BRD10: variants seen among roughly 807,000 people sequenced by gnomAD.
BRD10 encodes the protein uncharacterized bromodomain-containing protein 10.
chr9:5,915,975 TTAACTA>T, the BRD10 span, among the ~76,000 whole-genome samples: 1 of 152,250 alleles, frequency 6.6e-6, no homozygotes, highest in Non-Finnish European at 1.5e-5. Context: ...TCATACATTT[TTAACTA>T]TATGTTTCTC....
chr9:5,952,568 A>G, the BRD10 span, among the ~76,000 whole-genome samples: 1 of 152,220 alleles, frequency 6.6e-6, no homozygotes, highest in Non-Finnish European at 1.5e-5. Flanking sequence ...GCAATCTGCT[A>G]AAATGATTTC....
the BRD10 span, among the ~76,000 whole-genome samples, chr9:5,985,378 G>T: frequency 5.3e-5 from 8 of 151,676 alleles, no homozygotes; most frequent in African/African-American, 1.9e-4. Context: ...AAAAATGGAT[G>T]ATTTGAACTT....
At chr9:5,968,103 G>A in the BRD10 span, 57 of 1,568,824 alleles carry the variant, frequency 3.6e-5, 1 homozygote, top group Middle Eastern at 3.3e-4. Flanking sequence ...TTGAATGCAA[G>A]AGAATGAAGA....
the BRD10 span, among the ~76,000 whole-genome samples, chr9:5,889,497 G>A: frequency 6.6e-6 from 1 of 152,184 alleles, no homozygotes; most frequent in Non-Finnish European, 1.5e-5. Flanking sequence ...TAATAAAGAT[G>A]TGTTTGAGGC....
At chr9:5,892,320 CAG>C in the BRD10 span, 2 of 510,646 alleles carry the variant, frequency 3.9e-6, no homozygotes, top group African/African-American at 3.9e-5. Flanking sequence ...AATCCCCTCA[CAG>C]AGAGAAACCA....
chr9:5,915,550 C>G, the BRD10 span, among the ~76,000 whole-genome samples: 19 of 152,128 alleles, frequency 1.2e-4, no homozygotes, highest in Non-Finnish European at 2.8e-4. Flanking sequence ...TCCTCTTAAC[C>G]TATAGCATTT....
chr9:5,968,422 C>G, the BRD10 span: 1 of 1,612,716 alleles, frequency 6.2e-7, no homozygotes, highest in African/African-American at 1.3e-5. Context: ...GACTAAGAGG[C>G]TCTCCAAAGC....
the BRD10 span, among the ~76,000 whole-genome samples, chr9:5,978,377 G>C: frequency 3.2e-4 from 33 of 103,786 alleles, no homozygotes; most frequent in African/African-American, 1.2e-3. Context: ...CACTCTCAAA[G>C]ACATTGCAAT....
At chr9:5,952,550 C>T in the BRD10 span, among the ~76,000 whole-genome samples, 1 of 152,226 alleles carries the variant, frequency 6.6e-6, no homozygotes, top group African/African-American at 2.4e-5. Flanking sequence ...AAAAGAAACA[C>T]TGGTCATGCA....
the BRD10 span, chr9:5,892,606 C>G: frequency 5.4e-6 from 8 of 1,471,112 alleles, no homozygotes; most frequent in South Asian, 7.2e-5. Context: ...GCTGACACAG[C>G]CTGCTGACTT....
At chr9:5,940,075 A>C in the BRD10 span, among the ~76,000 whole-genome samples, 5 of 152,174 alleles carry the variant, frequency 3.3e-5, no homozygotes, top group Non-Finnish European at 7.4e-5. Context: ...AATTTACCTT[A>C]TTTTAAGAAC....
the BRD10 span, among the ~76,000 whole-genome samples, chr9:5,889,012 C>G: frequency 6.6e-6 from 1 of 152,166 alleles, no homozygotes; most frequent in Non-Finnish European, 1.5e-5. Context: ...CAAAGCCAAA[C>G]TTGCACCGAA....
chr9:5,922,827 T>C, the BRD10 span: 9 of 1,613,890 alleles, frequency 5.6e-6, no homozygotes, highest in Non-Finnish European at 7.6e-6. Flanking sequence ...CCTTTTGTAT[T>C]GGTGTGGCAG....
At chr9:5,959,245 C>T in the BRD10 span, among the ~76,000 whole-genome samples, 1 of 152,154 alleles carries the variant, frequency 6.6e-6, no homozygotes, top group Non-Finnish European at 1.5e-5. Flanking sequence ...TCATCTACCC[C>T]TTCATCTTAC....
chr9:5,917,771 T>C, the BRD10 span, among the ~76,000 whole-genome samples: 3 of 152,194 alleles, frequency 2.0e-5, no homozygotes, highest in African/African-American at 7.2e-5. Flanking sequence ...GAGAATTGCT[T>C]GAATCCAGGA....
chr9:5,884,275 A>G, the BRD10 span, among the ~76,000 whole-genome samples: 5 of 152,304 alleles, frequency 3.3e-5, no homozygotes, highest in East Asian at 9.6e-4. Context: ...AAGTCTGGTC[A>G]ACCCATTTTT....
chr9:5,968,760 C>T, the BRD10 span: 1 of 1,613,846 alleles, frequency 6.2e-7, no homozygotes, highest in Non-Finnish European at 8.5e-7. Flanking sequence ...AATTCTGGGG[C>T]CTGAAAGGGT....
the BRD10 span, chr9:5,933,948 T>C: frequency 4.6e-6 from 2 of 433,954 alleles, no homozygotes; most frequent in East Asian, 1.4e-4. Context: ...ACAAATATAT[T>C]TTGCACACTT....
At chr9:5,914,134 A>G in the BRD10 span, 3 of 431,216 alleles carry the variant, frequency 7.0e-6, no homozygotes, top group South Asian at 5.1e-5. Flanking sequence ...GGTTTTCCCA[A>G]GTGGTTCCTG....
Sources: gnomAD v4.1 joint callset for allele counts (sites outside exome capture counted in the v4.1 genomes callset) on GRCh38, gnomAD v4.1.1 for gene constraint, MANE v1.5 for transcripts, NCBI Gene and HGNC (gene_info 2026-07-23, HGNC 2026-07-21) for gene names.